Variants in GABRB2 observed in about 807,000 individuals in gnomAD.
GABRB2 encodes gamma-aminobutyric acid receptor subunit beta-2.
GABRB2 carries 16 observed loss-of-function variants against 54.7 expected under a neutral mutation model. The ratio of observed to expected loss-of-function variants is 0.29; its 90% CI spans 0.20 to 0.44. The LOEUF (loss-of-function observed/expected upper bound fraction) is 0.44. GABRB2 is among the 20% of genes least tolerant of loss of function. The pLI is 1.00. For missense variants in GABRB2, 355 were observed against 644.0 expected (o/e 0.55, Z 4.86); for synonymous variants, 244 against 233.8 (o/e 1.04, Z -0.40).
chr5:161,519,665 A>T (rs951829505), intron 3 of GABRB2, among the ~76,000 whole-genome samples: 3 of 152,230 alleles, frequency 2.0e-5, no homozygotes, highest in Non-Finnish European at 4.4e-5. Context: ...TAATTACTAA[A>T]AAATGAAAAT....
chr5:161,537,825 T>C (rs1195753294), intron 3 of GABRB2, among the ~76,000 whole-genome samples: 1 of 152,118 alleles, frequency 6.6e-6, no homozygotes, highest in Non-Finnish European at 1.5e-5. Context: ...GATCCCCACC[T>C]ACGGCTTCAA....
chr5:161,361,710 C>T (rs1256336720), intron 5 of GABRB2, among the ~76,000 whole-genome samples: 2 of 152,148 alleles, frequency 1.3e-5, no homozygotes, highest in African/African-American at 4.8e-5. Flanking sequence ...TTTTAAGCTA[C>T]ATCTTCCTGT....
chr5:161,341,414 TGA>T (rs1460199753), intron 5 of GABRB2, among the ~76,000 whole-genome samples: 1 of 151,918 alleles, frequency 6.6e-6, no homozygotes, highest in African/African-American at 2.4e-5. Context: ...TTCCAGAAAC[TGA>T]GTCATTAAAT....
chr5:161,462,406 T>C (rs561522391), intron 3 of GABRB2, among the ~76,000 whole-genome samples: 1 of 152,214 alleles, frequency 6.6e-6, no homozygotes, highest in East Asian at 1.9e-4. Context: ...AAACAGGACA[T>C]AAAAAATAAA....
intron 9 of GABRB2, among the ~76,000 whole-genome samples, chr5:161,300,000 T>G (rs1169164676): frequency 6.6e-6 from 1 of 152,236 alleles, no homozygotes; most frequent in East Asian, 1.9e-4. Flanking sequence ...TAGGTGCTGC[T>G]AAATTTTAGT....
intron 8 of GABRB2, among the ~76,000 whole-genome samples, chr5:161,327,852 A>G (rs1241648865): frequency 2.2e-5 from 2 of 91,220 alleles, no homozygotes; most frequent in Non-Finnish European, 4.5e-5. Context: ...TTGATCTTGG[A>G]AAAAAAAAAA....
intron 3 of GABRB2, among the ~76,000 whole-genome samples, chr5:161,471,381 A>T (rs1581013482): frequency 1.3e-5 from 2 of 152,108 alleles, no homozygotes; most frequent in Admixed American, 1.3e-4. Context: ...ATGGAGTAAA[A>T]CTCAGCTCCC....
intron 4 of GABRB2, among the ~76,000 whole-genome samples, chr5:161,430,363 T>A (rs529429424): frequency 6.6e-6 from 1 of 152,322 alleles, no homozygotes; most frequent in South Asian, 2.1e-4. Flanking sequence ...CCTTAAATAA[T>A]GTAGCAGATG....
intron 5 of GABRB2, among the ~76,000 whole-genome samples, chr5:161,370,228 T>C (rs1755092956): frequency 6.6e-6 from 1 of 152,164 alleles, no homozygotes; most frequent in South Asian, 2.1e-4. Context: ...AAAACAAAGA[T>C]AGACTTGCTA....
chr5:161,360,869 T>C (rs750233380), intron 5 of GABRB2, among the ~76,000 whole-genome samples: 13 of 150,672 alleles, frequency 8.6e-5, no homozygotes, highest in South Asian at 4.2e-4. Context: ...CAAAACACTA[T>C]GGGAAATGGA....
chr5:161,437,379 T>C (rs1048680897), intron 4 of GABRB2, among the ~76,000 whole-genome samples: 2 of 152,086 alleles, frequency 1.3e-5, no homozygotes, highest in East Asian at 1.9e-4. Flanking sequence ...AGACAACATA[T>C]GTAGACACAT....
At chr5:161,448,355 C>T (rs1183865293) in intron 4 of GABRB2, among the ~76,000 whole-genome samples, 1 of 151,948 alleles carries the variant, frequency 6.6e-6, no homozygotes, top group Non-Finnish European at 1.5e-5. Context: ...ACCAGGGATT[C>T]GAAGCTGCTC....
At chr5:161,354,821 T>C (rs1293245321) in intron 5 of GABRB2, among the ~76,000 whole-genome samples, 1 of 152,092 alleles carries the variant, frequency 6.6e-6, no homozygotes, top group Non-Finnish European at 1.5e-5. Context: ...AAAATTACTT[T>C]TGTAATTAAA....
intron 5 of GABRB2, among the ~76,000 whole-genome samples, chr5:161,357,580 T>C (rs1212905255): frequency 2.0e-5 from 3 of 151,974 alleles, no homozygotes; most frequent in Non-Finnish European, 4.4e-5. Flanking sequence ...CTAAGCTTCT[T>C]TGTTGGGAAT....
chr5:161,427,616 G>A (rs1220554395), intron 4 of GABRB2, among the ~76,000 whole-genome samples: 1 of 151,920 alleles, frequency 6.6e-6, no homozygotes, highest in Non-Finnish European at 1.5e-5. Context: ...GTTAATTTGG[G>A]TTGTAATGAA....
intron 3 of GABRB2, 73 bp from the exon 4 acceptor site, chr5:161,459,917 T>C: frequency 2.6e-6 from 2 of 754,720 alleles, no homozygotes; most frequent in Non-Finnish European, 4.4e-6. Context: ...AACATCTCAG[T>C]ATTAATAAGA....
At chr5:161,519,982 AT>A (rs1760068525) in intron 3 of GABRB2, among the ~76,000 whole-genome samples, 2 of 152,066 alleles carry the variant, frequency 1.3e-5, no homozygotes, top group South Asian at 2.1e-4. Context: ...CTTTTTTCCA[AT>A]GTTGGTTTTT....
intron 8 of GABRB2, 183 bp downstream of exon 8, chr5:161,330,700 T>A: frequency 1.3e-6 from 1 of 766,370 alleles, no homozygotes; most frequent in East Asian, 2.6e-5. Flanking sequence ...CATCCAAATC[T>A]TGTGTCATGA....
chr5:161,507,694 T>A (rs1159967904), intron 3 of GABRB2, among the ~76,000 whole-genome samples: 1 of 151,946 alleles, frequency 6.6e-6, no homozygotes, highest in Admixed American at 6.6e-5. Flanking sequence ...AGCAAAAGAC[T>A]AAAACAGACC....
Sources: allele counts gnomAD v4.1 joint callset (sites outside exome capture counted in the v4.1 genomes callset), GRCh38; gene constraint gnomAD v4.1.1; transcripts MANE v1.5; gene names NCBI Gene and HGNC (gene_info 2026-07-23, HGNC 2026-07-21).